KLRF2: variants seen among roughly 807,000 people sequenced by gnomAD.
KLRF2 encodes the protein killer cell lectin like receptor F2.
Under a neutral mutation model 25.3 loss-of-function variants are expected in KLRF2, and 28 were observed. The ratio of observed to expected loss-of-function variants is 1.11; its 90% CI spans 0.82 to 1.52. The LOEUF (loss-of-function observed/expected upper bound fraction) is 1.52. Ranked by LOEUF, KLRF2 falls within the 40% of genes most tolerant of loss-of-function variation. The pLI is 0.00. For missense variants in KLRF2, 265 were observed against 245.8 expected (o/e 1.08, Z -0.52); for synonymous variants, 73 against 85.0 (o/e 0.86, Z 0.78).
At chr12:9,894,054 CTCTT>C (rs1455839988) in intron 5 of KLRF2, among the ~76,000 whole-genome samples, 5 of 151,390 alleles carry the variant, frequency 3.3e-5, no homozygotes, top group South Asian at 2.1e-4. Flanking sequence ...TTCTTTCTTT[CTCTT>C]TCTCTTTTTT....
chr12:9,895,375 C>A (rs140226676), intron 5 of KLRF2, among the ~76,000 whole-genome samples: 2 of 152,212 alleles, frequency 1.3e-5, no homozygotes, highest in African/African-American at 4.8e-5. Flanking sequence ...AATTGAGAAG[C>A]TGGGAGAAGT....
chr12:9,885,787 A>G (rs1862589463), intron 2 of KLRF2, among the ~76,000 whole-genome samples: 1 of 152,082 alleles, frequency 6.6e-6, no homozygotes, highest in South Asian at 2.1e-4. Context: ...TCAATGCAAC[A>G]TTGAAATCAA....
rs1453892975 is a variant in KLRF2, at chr12:9,893,026, A to G, written c.224A>G (p.Asn75Ser). Residue 75 changes from asparagine to serine, a missense_variant, in exon 4 of 6, where the codon AAT becomes AGT. Transcript: ENST00000535540. Reference protein sequence around the residue: ...NVNVSSLSGHNYLCPNDWLLN... With the variant: ...NVNVSSLSGHSYLCPNDWLLN... The stretch of plus-strand genomic sequence containing the variant: ...CCCCTATGTTTTCCTTTAGGACACA[A>G]TTACTTGTGCCCAAATGACTGGCTG... 2 of 1,535,306 alleles carry G rather than the reference A, an allele frequency of 1.3e-6. No homozygotes were observed. Among genetic ancestry groups the G allele is most frequent in the East Asian group, 2.4e-5 (1 of 40,896 alleles).
chr12:9,894,126 T>TTCTTTCTCTCTC (rs1555127271), intron 5 of KLRF2, among the ~76,000 whole-genome samples: 1 of 130,200 alleles, frequency 7.7e-6, no homozygotes, highest in African/African-American at 3.0e-5. Context: ...TTTCTTTTCT[T>TTCTTTCTCTCTC]TCTCTCTCTC....
Position 9,893,089 on chromosome 12 carries a change from T to A in KLRF2, c.287T>A (p.Phe96Tyr). ...EGKCYWFSTS[F>Y]KTWKESQRDC... ...AAATGTTACTGGTTTTCAACTTCTT[T>A]TAAAACGTGGAAAGAGAGTCAACGT... is the stretch of plus-strand genomic sequence containing the variant. Residue 96 changes from phenylalanine (F) to tyrosine (Y), a missense_variant, in exon 4 of 6, where the codon TTT (phenylalanine) becomes TAT (tyrosine). Physicochemically the swap from Phe to Tyr is conservative, Grantham distance 22. Coordinates refer to ENST00000535540, the MANE Select transcript of KLRF2 (RefSeq NM_001190765.1). The A allele has an allele frequency of 2.0e-6, 3 of 1,535,918 alleles. No homozygotes were observed. Among genetic ancestry groups the A allele is most frequent in the Non-Finnish European group, 2.6e-6 (3 of 1,146,774 alleles).
At chr12:9,892,274 C>A (rs959256487) in intron 3 of KLRF2, among the ~76,000 whole-genome samples, 5 of 151,938 alleles carry the variant, frequency 3.3e-5, no homozygotes, top group Non-Finnish European at 7.4e-5. Flanking sequence ...ACAGTATGAA[C>A]GAAAAGCACA....
intron 5 of KLRF2, among the ~76,000 whole-genome samples, chr12:9,894,499 T>G (rs866807202): frequency 1.2e-4 from 18 of 152,172 alleles, no homozygotes; most frequent in African/African-American, 3.9e-4. Flanking sequence ...TGCTTCTTTA[T>G]CTGTATAAAA....
chr12:9,895,726 G>A lies in KLRF2; in HGVS notation c.517G>A (p.Ala173Thr), dbSNP rs1193785434. Reference sequence around the variant, plus strand: ...TGGACCAACTGATGACAGGAGCTGTGCCGTTATCACAGGAAACTGGGTGTA... The same window carrying A: ...TGGACCAACTGATGACAGGAGCTGTACCGTTATCACAGGAAACTGGGTGTA... ...VIGPTDDRSC[A>T]VITGNWVYSE... Residue 173 changes from alanine to threonine, a missense_variant, in exon 6 of 6, where the codon GCC becomes ACC. Coordinates refer to ENST00000535540, the MANE Select transcript of KLRF2 (RefSeq NM_001190765.1). The A allele has an allele frequency of 2.6e-6, 4 of 1,535,668 alleles. No homozygotes were observed. The highest frequency in any genetic ancestry group is 1.4e-5 in the African/African-American group (1 of 73,118).
In KLRF2 at chr12:9,893,043, G is replaced by A; in HGVS notation, c.241G>A (p.Asp81Asn). 5 of 1,535,432 alleles carry A rather than the reference G, an allele frequency of 3.3e-6. No homozygotes were observed. Among genetic ancestry groups the A allele is most frequent in the Non-Finnish European group, 3.5e-6 (4 of 1,146,502 alleles). The part of the protein sequence containing the change: ...LSGHNYLCPN[D>N]WLLNEGKCYW... Reference sequence around the variant, plus strand: ...AGGACACAATTACTTGTGCCCAAATGACTGGCTGTTGAACGAAGGGAAATG... The same window carrying A: ...AGGACACAATTACTTGTGCCCAAATAACTGGCTGTTGAACGAAGGGAAATG... The change falls in exon 4 of 6, where the codon GAC becomes AAC. Residue 81 changes from aspartate to asparagine, a missense_variant. Transcript: ENST00000535540.
chr12:9,885,230 C>G (rs913880132), intron 2 of KLRF2, among the ~76,000 whole-genome samples, 198 bp downstream of exon 2: 4 of 151,350 alleles, frequency 2.6e-5, no homozygotes, highest in Admixed American at 6.6e-5. Context: ...TATAAAGAAC[C>G]CCCAATAGAG....
At chr12:9,886,236 C>T (rs1471593242) in intron 2 of KLRF2, among the ~76,000 whole-genome samples, 3 of 151,868 alleles carry the variant, frequency 2.0e-5, no homozygotes, top group Admixed American at 2.0e-4. Flanking sequence ...TAAAATTTGT[C>T]CTTGGGTTTT....
chr12:9,888,267 G>A (rs1441010956), intron 2 of KLRF2, among the ~76,000 whole-genome samples: 2 of 151,828 alleles, frequency 1.3e-5, no homozygotes, highest in East Asian at 1.9e-4. Context: ...GAGGCGGGCG[G>A]ATCACGAGGT....
At chr12:9,885,125 G>T in intron 2 of KLRF2, 93 bp downstream of exon 2, 2 of 393,750 alleles carry the variant, frequency 5.1e-6, no homozygotes, top group East Asian at 3.8e-5. Flanking sequence ...CTACACTGTA[G>T]TCCAAAACTG....
chr12:9,893,952 C>A (rs1862720019), intron 5 of KLRF2, among the ~76,000 whole-genome samples: 1 of 152,058 alleles, frequency 6.6e-6, no homozygotes, highest in Admixed American at 6.6e-5. Context: ...GAGTTGAAAT[C>A]AGAAAACATG....
intron 2 of KLRF2, among the ~76,000 whole-genome samples, chr12:9,886,853 T>C (rs758032440): frequency 2.7e-5 from 4 of 150,520 alleles, no homozygotes; most frequent in Admixed American, 1.3e-4. Flanking sequence ...TATGGACTGG[T>C]GGTCGGTGCA....
intron 1 of KLRF2, among the ~76,000 whole-genome samples, 153 bp downstream of exon 1, chr12:9,881,818 A>G (rs1440636987): frequency 6.6e-6 from 1 of 152,164 alleles, no homozygotes; most frequent in African/African-American, 2.4e-5. Context: ...AGATTCATGA[A>G]AGCATCAACA....
intron 5 of KLRF2, among the ~76,000 whole-genome samples, chr12:9,895,265 A>G (rs764246809): frequency 6.6e-6 from 1 of 152,242 alleles, no homozygotes; most frequent in Non-Finnish European, 1.5e-5. Flanking sequence ...TTATGCTGCT[A>G]TGTGGAGAAT....
intron 5 of KLRF2, among the ~76,000 whole-genome samples, chr12:9,893,897 C>CA (rs1184046801): frequency 6.6e-6 from 1 of 152,100 alleles, no homozygotes; most frequent in Non-Finnish European, 1.5e-5. Flanking sequence ...AAAGCAAAGA[C>CA]AAAATTCACC....
rs563136492 is a variant in KLRF2 at position 9,891,680 on chromosome 12, A to T, written c.218-1340A>T. Reference sequence around the variant, plus strand: ...ATCCTGAATCTTTTCAATTTTTTTTAAATTACAATTTTTCAGCATTGGCCA... The same window carrying T: ...ATCCTGAATCTTTTCAATTTTTTTTTAATTACAATTTTTCAGCATTGGCCA... On this transcript the variant is annotated intron_variant, in intron 3 of 5. Coordinates refer to ENST00000535540, the MANE Select transcript of KLRF2 (RefSeq NM_001190765.1). Among the ~76,000 whole-genome samples, 90 of 152,254 alleles carry T rather than the reference A, an allele frequency of 5.9e-4. 1 individual carries two copies. In the Middle Eastern group the frequency reaches 0.01, roughly 17 times the overall value.
Sources: allele counts gnomAD v4.1 joint callset (sites outside exome capture counted in the v4.1 genomes callset), GRCh38; gene constraint gnomAD v4.1.1; transcripts MANE v1.5; gene names NCBI Gene and HGNC (gene_info 2026-07-23, HGNC 2026-07-21).